ZNF385D: variants seen among roughly 807,000 people sequenced by gnomAD.
The protein encoded by ZNF385D is zinc finger protein 659.
A neutral mutation model predicts 35.8 loss-of-function variants in ZNF385D; 15 were observed. The ratio of observed to expected loss-of-function variants is 0.42; its 90% confidence interval spans 0.28 to 0.64. The LOEUF (loss-of-function observed/expected upper bound fraction) is 0.64, where lower values mean the gene tolerates loss of function less well. ZNF385D is among the 30% of genes least tolerant of loss of function. The pLI, the probability that ZNF385D is intolerant of heterozygous loss-of-function variation, is 0.23. For missense variants in ZNF385D, 474 were observed against 494.6 expected (o/e 0.96, Z 0.39); for synonymous variants, 212 against 186.8 (o/e 1.13, Z -1.10).
At chr3:21,980,870 T>A (rs1044563120) in intron 3 of ZNF385D, among the ~76,000 whole-genome samples, 1 of 152,180 alleles carries the variant, frequency 6.6e-6, no homozygotes, top group South Asian at 2.1e-4. Context: ...TCCAGTTCCA[T>A]CTATATTCCT....
intron 3 of ZNF385D, among the ~76,000 whole-genome samples, chr3:21,811,968 G>T (rs34242816): frequency 0.055 from 8,344 of 152,112 alleles, 551 homozygotes; most frequent in East Asian, 0.3. Context: ...AAATTCTAAA[G>T]AAAGTATATA....
intron 3 of ZNF385D, among the ~76,000 whole-genome samples, chr3:21,865,080 G>A (rs140032946): frequency 1.0e-4 from 9 of 86,642 alleles, no homozygotes; most frequent in Non-Finnish European, 2.1e-4. Context: ...TTTTTTTTGA[G>A]AGGAGGAGCC....
chr3:21,934,451 A>T (rs1471703660), intron 3 of ZNF385D, among the ~76,000 whole-genome samples: 1 of 152,136 alleles, frequency 6.6e-6, no homozygotes, highest in Non-Finnish European at 1.5e-5. Context: ...AACCACCATC[A>T]ATTATATATT....
At chr3:22,041,862 G>A (rs576067507) in intron 3 of ZNF385D, among the ~76,000 whole-genome samples, 1 of 152,208 alleles carries the variant, frequency 6.6e-6, no homozygotes, top group East Asian at 1.9e-4. Flanking sequence ...GAAATGGACA[G>A]TTCAATCAGG....
chr3:22,343,493 C>G (rs750169842), intron 2 of ZNF385D, among the ~76,000 whole-genome samples: 4 of 152,184 alleles, frequency 2.6e-5, no homozygotes, highest in Non-Finnish European at 5.9e-5. Flanking sequence ...GGTGGGACTA[C>G]CCTGGTGGGA....
At chr3:21,556,068 G>GTTT (rs148079775) in intron 3 of ZNF385D, among the ~76,000 whole-genome samples, 7 of 99,014 alleles carry the variant, frequency 7.1e-5, no homozygotes, top group East Asian at 3.1e-4. Flanking sequence ...TTTTGTTTTT[G>GTTT]TTTTTTTTTT....
intron 2 of ZNF385D, among the ~76,000 whole-genome samples, chr3:21,575,609 A>G (rs1004354605): frequency 6.6e-6 from 1 of 152,184 alleles, no homozygotes; most frequent in African/African-American, 2.4e-5. Flanking sequence ...TCCCCTGGCT[A>G]GTATTTTCCC....
At chr3:22,355,397 A>G (rs1575184605) in intron 2 of ZNF385D, among the ~76,000 whole-genome samples, 1 of 152,064 alleles carries the variant, frequency 6.6e-6, no homozygotes, top group African/African-American at 2.4e-5. Flanking sequence ...TCTTTCTAAC[A>G]TAGTTACTTG....
At chr3:22,244,104 T>G (rs1400687557) in intron 2 of ZNF385D, among the ~76,000 whole-genome samples, 1 of 150,754 alleles carries the variant, frequency 6.6e-6, no homozygotes, top group Non-Finnish European at 1.5e-5. Context: ...TTGAAGCCAA[T>G]GAACCTCTAC....
chr3:21,655,627 G>C (rs1267429986), intron 2 of ZNF385D, among the ~76,000 whole-genome samples: 1 of 151,894 alleles, frequency 6.6e-6, no homozygotes, highest in Non-Finnish European at 1.5e-5. Flanking sequence ...TCTCAGTTAA[G>C]TCCCTTGAGG....
At chr3:22,229,359 G>A (rs887005912) in intron 2 of ZNF385D, among the ~76,000 whole-genome samples, 1 of 152,156 alleles carries the variant, frequency 6.6e-6, no homozygotes, top group African/African-American at 2.4e-5. Context: ...CCCCAACTTA[G>A]GTTGTGGTTC....
chr3:21,909,962 A>G lies in ZNF385D; in HGVS notation c.326-244934T>C, dbSNP rs576854060. ...TGCTTTTGTAACATTGACAATTCAC[A>G]AACAACTAAAGGTGGCCAGAAAAAC... On this transcript the variant is annotated intron_variant, in intron 3 of 5. Transcript: ENST00000494108. Among the ~76,000 whole-genome samples, 37 of 152,172 alleles carry G rather than the reference A, an allele frequency of 2.4e-4. 1 individual carries two copies. Among genetic ancestry groups the G allele is most frequent in the African/African-American group, 8.2e-4 (34 of 41,568 alleles).
At chr3:21,936,878 T>C (rs548480183) in intron 3 of ZNF385D, among the ~76,000 whole-genome samples, 7 of 152,308 alleles carry the variant, frequency 4.6e-5, no homozygotes, top group African/African-American at 1.7e-4. Flanking sequence ...AGGTTAGGAA[T>C]AGTTGTAACT....
chr3:21,676,994 G>A (rs1462833626), intron 1 of ZNF385D, among the ~76,000 whole-genome samples: 1 of 151,970 alleles, frequency 6.6e-6, no homozygotes, highest in Non-Finnish European at 1.5e-5. Context: ...ATAGCCCCAG[G>A]TAGAAGAAAG....
chr3:21,646,486 C>G lies in ZNF385D; in HGVS notation c.165+18400G>C, dbSNP rs1000837028. On this transcript the variant is annotated intron_variant, in intron 2 of 7. Transcript: ENST00000281523. The surrounding 1 kb of genome is among the most constrained non-coding windows in gnomAD (Gnocchi z 4.3). ...TACCTTCAAAGGTAAGCTACAAATT[C>G]AAAAACTAATAACCACAGACTATTT... Among the ~76,000 whole-genome samples the G allele has an allele frequency of 1.3e-5, 2 of 152,144 alleles. No individual in the cohort carries two copies. Among genetic ancestry groups the G allele is most frequent in the African/African-American group, 2.4e-5 (1 of 41,438 alleles).
At chr3:21,784,152 C>G (rs941757486) in intron 3 of ZNF385D, among the ~76,000 whole-genome samples, 1 of 152,118 alleles carries the variant, frequency 6.6e-6, no homozygotes, top group Non-Finnish European at 1.5e-5. Flanking sequence ...GAAGAGAAGT[C>G]TGCCAAGAAT....
chr3:21,797,184 G>C (rs1331139031), intron 3 of ZNF385D, among the ~76,000 whole-genome samples: 1 of 152,186 alleles, frequency 6.6e-6, no homozygotes, highest in Non-Finnish European at 1.5e-5. Flanking sequence ...TACCTTGCCA[G>C]ACACCTCAGC....
intron 2 of ZNF385D, among the ~76,000 whole-genome samples, chr3:22,240,434 T>C (rs1699431534): frequency 1.3e-5 from 2 of 151,034 alleles, no homozygotes; most frequent in African/African-American, 4.9e-5. Context: ...TCAGCTGTTC[T>C]GACCAGTTCC....
chr3:22,031,347 T>G (rs1697989690), intron 3 of ZNF385D, among the ~76,000 whole-genome samples: 1 of 151,936 alleles, frequency 6.6e-6, no homozygotes, highest in South Asian at 2.1e-4. Flanking sequence ...AGCAGGCTTC[T>G]GTCTGGACAT....
Sources: gnomAD v4.1 joint callset for allele counts (sites outside exome capture counted in the v4.1 genomes callset) on GRCh38, gnomAD v4.1.1 for gene constraint, Gnocchi (gnomAD v3.1) non-coding constraint, MANE v1.5 for transcripts, NCBI Gene and HGNC (gene_info 2026-07-23, HGNC 2026-07-21) for gene names.